The following RBPMS variants were observed in gnomAD, a reference collection of about 807,000 sequenced individuals.
RBPMS encodes RNA binding protein, mRNA processing factor.
Under a neutral mutation model 26.8 loss-of-function variants are expected in RBPMS, and 7 were observed. The ratio of observed to expected loss-of-function variants is 0.26; its 90% CI spans 0.15 to 0.49. The LOEUF (loss-of-function observed/expected upper bound fraction) is 0.49, where lower values mean the gene tolerates loss of function less well. Ranked by LOEUF, RBPMS falls within the 20% of genes least tolerant of loss-of-function variation. The pLI, the probability that RBPMS is intolerant of heterozygous loss-of-function variation, is 0.98. For synonymous variants in RBPMS, 96 were observed against 93.3 expected, an observed-to-expected ratio of 1.03 and a Z score of -0.17; for missense variants, 186 against 250.0, an observed-to-expected ratio of 0.74 and a Z score of 1.73.
At chr8:30,566,556 AT>A in intron 8 of RBPMS, among the ~76,000 whole-genome samples, 196 bp downstream of exon 8, 1 of 152,232 alleles carries the variant, frequency 6.6e-6, no homozygotes, top group South Asian at 2.1e-4. Context: ...CAACTGATAC[AT>A]TTTTAAAGCC....
intron 1 of RBPMS, among the ~76,000 whole-genome samples, chr8:30,461,965 G>C (rs1815962247): frequency 6.6e-6 from 1 of 152,144 alleles, no homozygotes; most frequent in South Asian, 2.1e-4. Context: ...TTAGAGATTG[G>C]CTTTTTTTAC....
rs779614958 is a variant in RBPMS, at chr8:30,479,321, G to A, written c.190G>A (p.Gly64Ser). 6.2e-7 allele frequency: 1 copy of A among 1,606,566 alleles called. No individual in the cohort carries two copies. The highest frequency in any genetic ancestry group is 8.5e-7 in the Non-Finnish European group (1 of 1,177,180). ...TTCTCTTTTTTTTTCTCAGCCTGTA[G>A]GTTTTGTCAGTTTTGACAGTCGCTC... is the stretch of plus-strand genomic sequence containing the variant. ...LIKLTSKQPV[G>S]FVSFDSRSEA... Residue 64 changes from glycine (G) to serine (S), a missense_variant, in exon 4 of 9, where the codon GGT becomes AGT. By Grantham distance (56) the Gly-to-Ser change is moderately conservative (BLOSUM62 0). Coordinates refer to ENST00000397323, the MANE Select transcript of RBPMS (RefSeq NM_001008710.3).
chr8:30,555,108 A>G (rs146098204), intron 6 of RBPMS, among the ~76,000 whole-genome samples: 1 of 152,234 alleles, frequency 6.6e-6, no homozygotes, highest in Admixed American at 6.5e-5. Flanking sequence ...AATTATTTTT[A>G]TGGGTGGGTA....
intron 1 of RBPMS, among the ~76,000 whole-genome samples, chr8:30,436,035 T>G (rs1812418272): frequency 6.6e-6 from 1 of 152,210 alleles, no homozygotes; most frequent in Non-Finnish European, 1.5e-5. Context: ...GGAATGTGGG[T>G]AAGTACAGGG....
rs142574375 is a variant in RBPMS, at chr8:30,437,403, C to T, written c.67-37376C>T. Among the ~76,000 whole-genome samples the T allele has an allele frequency of 9.1e-3, 1,377 of 151,854 alleles. 16 individuals carry two copies. Among genetic ancestry groups the T allele is most frequent in the African/African-American group, 0.031 (1,303 of 41,434 alleles). On this transcript the variant is annotated intron_variant, in intron 1 of 8. Transcript: ENST00000397323. ...GGCGTGGTGGCTCATGCCTGTAATC[C>T]CAGCACTTTGGGAGGCTGAGGCAAC...
At chr8:30,498,412 C>T (rs1354318439) in intron 4 of RBPMS, among the ~76,000 whole-genome samples, 1 of 152,108 alleles carries the variant, frequency 6.6e-6, no homozygotes, top group East Asian at 1.9e-4. Context: ...AATCAGCTTT[C>T]ACTTTTGAAA....
chr8:30,416,196 G>C (rs1267864929), intron 1 of RBPMS, among the ~76,000 whole-genome samples: 2 of 152,286 alleles, frequency 1.3e-5, no homozygotes, highest in South Asian at 2.1e-4. Flanking sequence ...AGAAAAGGCT[G>C]TCCATTAGTG....
chr8:30,494,543 T>C (rs934514660), intron 4 of RBPMS, among the ~76,000 whole-genome samples: 1 of 152,226 alleles, frequency 6.6e-6, no homozygotes, highest in Admixed American at 6.5e-5. Context: ...AAACAGTATA[T>C]CCAAGGTCAA....
At chr8:30,385,334 C>G in intron 1 of RBPMS, 176 bp downstream of exon 1, 1 of 432,898 alleles carries the variant, frequency 2.3e-6, no homozygotes. Flanking sequence ...GTTTTTGTGT[C>G]CACGCGCGTC....
At chr8:30,386,216 G>C (rs1807060489) in intron 1 of RBPMS, among the ~76,000 whole-genome samples, 1 of 152,250 alleles carries the variant, frequency 6.6e-6, no homozygotes, top group South Asian at 2.1e-4. Context: ...TAAAGCGTTA[G>C]AATGTTGAGA....
chr8:30,481,134 TG>T (rs781663951), intron 4 of RBPMS, among the ~76,000 whole-genome samples: 12 of 152,234 alleles, frequency 7.9e-5, no homozygotes, highest in Non-Finnish European at 1.5e-4. Context: ...TTTGTTTGTT[TG>T]TTAAAGAATA....
intron 4 of RBPMS, among the ~76,000 whole-genome samples, chr8:30,488,072 C>A (rs1818983611): frequency 6.6e-6 from 1 of 152,020 alleles, no homozygotes. Context: ...AAACCTATGA[C>A]CAACAGTTCT....
At chr8:30,472,541 T>C (rs1047257075) in intron 1 of RBPMS, among the ~76,000 whole-genome samples, 1 of 152,228 alleles carries the variant, frequency 6.6e-6, no homozygotes, top group African/African-American at 2.4e-5. Context: ...TGTCAAAACA[T>C]CACATATTTC....
intron 1 of RBPMS, among the ~76,000 whole-genome samples, chr8:30,468,499 A>G (rs908548157): frequency 7.2e-5 from 11 of 152,044 alleles, no homozygotes; most frequent in Admixed American, 4.6e-4. Flanking sequence ...GTGTAACTCT[A>G]TTGATAAATT....
chr8:30,419,003 T>C (rs949509690), intron 1 of RBPMS, among the ~76,000 whole-genome samples: 5 of 149,698 alleles, frequency 3.3e-5, no homozygotes, highest in Non-Finnish European at 2.9e-5. Flanking sequence ...CTTTTAAAGA[T>C]AGGCCCCTGT....
intron 5 of RBPMS, among the ~76,000 whole-genome samples, chr8:30,521,369 AT>A (rs1363075985): frequency 6.6e-6 from 1 of 152,166 alleles, no homozygotes; most frequent in Non-Finnish European, 1.5e-5. Flanking sequence ...TTCTGTCATG[AT>A]TGGTTTGGGT....
chr8:30,445,582 GC>G (rs1813631974), intron 1 of RBPMS, among the ~76,000 whole-genome samples: 2 of 147,188 alleles, frequency 1.4e-5, no homozygotes, highest in Non-Finnish European at 3.0e-5. Flanking sequence ...CTTTCTCCTT[GC>G]CATTTCTTCA....
At chr8:30,513,445 C>T (rs1470418617) in intron 5 of RBPMS, among the ~76,000 whole-genome samples, 4 of 151,522 alleles carry the variant, frequency 2.6e-5, no homozygotes, top group Admixed American at 6.6e-5. Flanking sequence ...AAAAATTAGC[C>T]GGGAGTGGTG....
chr8:30,551,253 T>C (rs113566361), intron 6 of RBPMS, among the ~76,000 whole-genome samples: 5 of 152,258 alleles, frequency 3.3e-5, no homozygotes, highest in African/African-American at 1.2e-4. Context: ...TCCAGGGTGT[T>C]AGGGAGACGT....
Sources: gnomAD v4.1 joint callset for allele counts (sites outside exome capture counted in the v4.1 genomes callset) on GRCh38, gnomAD v4.1.1 for gene constraint, MANE v1.5 for transcripts, NCBI Gene and HGNC (gene_info 2026-07-23, HGNC 2026-07-21) for gene names.